Variants in ADARB1 observed in about 807,000 individuals in gnomAD.
The protein encoded by ADARB1 is double-stranded RNA-specific editase 1.
ADARB1 carries 10 observed loss-of-function variants against 52.4 expected under a neutral mutation model. The ratio of observed to expected loss-of-function variants is 0.19; its 90% CI spans 0.12 to 0.32. The LOEUF is 0.32. Ranked by LOEUF, ADARB1 falls within the 10% of genes least tolerant of loss-of-function variation. The pLI, the probability that ADARB1 is intolerant of heterozygous loss-of-function variation, is 1.00. For missense variants in ADARB1, 643 were observed against 922.3 expected, an observed-to-expected ratio of 0.70 and a Z score of 3.92; for synonymous variants, 349 against 371.1, an observed-to-expected ratio of 0.94 and a Z score of 0.68.
chr21:45,149,291 A>G (rs2090163553), intron 2 of ADARB1, among the ~76,000 whole-genome samples: 2 of 152,356 alleles, frequency 1.3e-5, no homozygotes, highest in Admixed American at 6.5e-5. Flanking sequence ...GCAGAAATCC[A>G]TCACGGCTGC....
chr21:45,225,581 T>C lies in ADARB1; in HGVS notation c.*3384T>C. 1 of 1,332,986 alleles carries C rather than the reference T, an allele frequency of 7.5e-7. No homozygotes were observed. Among genetic ancestry groups the C allele is most frequent in the Non-Finnish European group, 9.7e-7 (1 of 1,029,724 alleles). 82.6% of individuals were successfully genotyped at this position (1,332,986 alleles called of 1,614,324 possible). A position where few individuals can be genotyped will look rare whatever the true frequency, so the allele number is the denominator to read the frequency against. Reference sequence around the variant, plus strand: ...GGAGGGGACGGCTCCGTCTTCACATTGTGCACAGATCTGAGGATGGGATTA... The same window carrying C: ...GGAGGGGACGGCTCCGTCTTCACATCGTGCACAGATCTGAGGATGGGATTA... On this transcript the variant is annotated 3_prime_UTR_variant, in exon 11 of 11. Coordinates refer to ENST00000348831, the MANE Select transcript of ADARB1 (RefSeq NM_001112.4).
chr21:45,083,434 A>G (rs530513797), intron 1 of ADARB1, among the ~76,000 whole-genome samples: 8 of 152,214 alleles, frequency 5.3e-5, no homozygotes, highest in Non-Finnish European at 1.2e-4. Context: ...AATTGTTATA[A>G]AACCATAAAG....
intron 2 of ADARB1, among the ~76,000 whole-genome samples, chr21:45,149,854 G>A (rs939184737): frequency 6.6e-6 from 1 of 152,246 alleles, no homozygotes; most frequent in African/African-American, 2.4e-5. Context: ...TTTTTGTGCA[G>A]TGTTTACAGT....
At chr21:45,100,897 G>A (rs1006575623) in intron 1 of ADARB1, 6 of 152,644 alleles carry the variant, frequency 3.9e-5, no homozygotes, top group Non-Finnish European at 8.8e-5. Flanking sequence ...CGTGGAGCTC[G>A]ATGCTGGGCA....
intron 2 of ADARB1, among the ~76,000 whole-genome samples, chr21:45,138,421 C>T (rs1037409262): frequency 6.6e-6 from 1 of 152,182 alleles, no homozygotes; most frequent in African/African-American, 2.4e-5. Context: ...GTCCAGAGTT[C>T]AGCCATCTTA....
At chr21:45,091,881 C>A (rs151118691) in intron 1 of ADARB1, among the ~76,000 whole-genome samples, 174 of 152,322 alleles carry the variant, frequency 1.1e-3, no homozygotes, top group Non-Finnish European at 1.9e-3. Flanking sequence ...ATCTGTTCAT[C>A]TTTCTGCTAA....
chr21:45,165,905 C>T (rs61106335), intron 2 of ADARB1, among the ~76,000 whole-genome samples: 4,251 of 151,398 alleles, frequency 0.028, 197 homozygotes, highest in African/African-American at 0.096. Context: ...TAAAAGTTTT[C>T]TCAAAGCTAT....
At position 45,220,810 on chromosome 21, in the gene ADARB1, C is replaced by T. The variant is rs1371742256; in HGVS notation, c.1748-26C>T. The T allele has an allele frequency of 6.2e-7, 1 of 1,606,772 alleles. No individual in the cohort carries two copies. Among genetic ancestry groups the T allele is most frequent in the Non-Finnish European group, 8.5e-7 (1 of 1,174,906 alleles). ...CCTGGGGGTGAAAGCGGGCTTCACA[C>T]CACCTTCCTGTGTCTTCCGTTTCAG... On this transcript the variant is annotated intron_variant, in intron 9 of 10. Transcript: ENST00000348831. The surrounding 1 kb of genome is among the most constrained non-coding windows in gnomAD (Gnocchi z 6.3).
chr21:45,173,489 T>C (rs1186470736), intron 3 of ADARB1, among the ~76,000 whole-genome samples: 1 of 152,156 alleles, frequency 6.6e-6, no homozygotes, highest in East Asian at 1.9e-4. Flanking sequence ...ACAGAAAGTG[T>C]ATTCTTCTCA....
chr21:45,090,043 A>G (rs2086501864), intron 1 of ADARB1, among the ~76,000 whole-genome samples: 1 of 152,134 alleles, frequency 6.6e-6, no homozygotes, highest in Non-Finnish European at 1.5e-5. Context: ...TAAGTGTGAC[A>G]TTACTCTAGT....
chr21:45,101,367 G>A (rs112934328), intron 1 of ADARB1, among the ~76,000 whole-genome samples: 188 of 152,334 alleles, frequency 1.2e-3, no homozygotes, highest in African/African-American at 4.5e-3. Flanking sequence ...TGAAATGCCC[G>A]CTGCCAGTCG....
At chr21:45,083,307 C>T (rs1236048245) in intron 1 of ADARB1, among the ~76,000 whole-genome samples, 2 of 152,160 alleles carry the variant, frequency 1.3e-5, no homozygotes, top group Non-Finnish European at 1.5e-5. Context: ...CCCTACACTG[C>T]CCCCCCATCC....
chr21:45,122,222 C>T (rs2088237277), intron 1 of ADARB1, among the ~76,000 whole-genome samples: 1 of 152,230 alleles, frequency 6.6e-6, no homozygotes, highest in African/African-American at 2.4e-5. Flanking sequence ...AGCAGAGCCT[C>T]AATTTCCACA....
In ADARB1 at chr21:45,166,211, T is replaced by C. The variant is rs532517044; in HGVS notation, c.-47-5399T>C. ...GAACATTATATTTATATATATTGTT[T>C]ATACTTGTGGTTGCAATGTATCTAT... On this transcript the variant is annotated intron_variant, in intron 2 of 10. Transcript: ENST00000348831. 4.6e-5 allele frequency among the ~76,000 whole-genome samples: 7 copies of C among 152,342 alleles called. No individual in the cohort carries two copies. The East Asian group carries it at 1.3e-3, about 29-fold the overall frequency.
chr21:45,093,539 G>A (rs1051874983), intron 1 of ADARB1, among the ~76,000 whole-genome samples: 2 of 152,226 alleles, frequency 1.3e-5, no homozygotes, highest in Non-Finnish European at 2.9e-5. Context: ...GTTTCATGCT[G>A]TGACTCTGGA....
At chr21:45,083,719 G>C (rs2086234488) in intron 1 of ADARB1, among the ~76,000 whole-genome samples, 1 of 152,094 alleles carries the variant, frequency 6.6e-6, no homozygotes, top group South Asian at 2.1e-4. Context: ...TTTTGCGACA[G>C]CGTCTTGCTT....
At chr21:45,078,195 G>C (rs2086021093) in intron 1 of ADARB1, among the ~76,000 whole-genome samples, 1 of 152,214 alleles carries the variant, frequency 6.6e-6, no homozygotes, top group South Asian at 2.1e-4. Flanking sequence ...GAAGGGGGAT[G>C]AAAGTAACTC....
At chr21:45,180,826 T>TCTCCC (rs1343526765) in intron 5 of ADARB1, among the ~76,000 whole-genome samples, 1 of 152,230 alleles carries the variant, frequency 6.6e-6, no homozygotes, top group South Asian at 2.1e-4. Flanking sequence ...TCAGTGTGAC[T>TCTCCC]TCCTTTGAGG....
At chr21:45,170,721 G>A (rs925846275) in intron 2 of ADARB1, among the ~76,000 whole-genome samples, 1 of 152,030 alleles carries the variant, frequency 6.6e-6, no homozygotes, top group African/African-American at 2.4e-5. Context: ...ACAAAGTAAC[G>A]TGTGATTATA....
Sources: gnomAD v4.1 joint callset for allele counts (sites outside exome capture counted in the v4.1 genomes callset) on GRCh38, gnomAD v4.1.1 for gene constraint, Gnocchi (gnomAD v3.1) non-coding constraint, MANE v1.5 for transcripts, NCBI Gene and HGNC (gene_info 2026-07-23, HGNC 2026-07-21) for gene names.